FRAS1: variants seen among roughly 807,000 people sequenced by gnomAD.
FRAS1 encodes Fraser extracellular matrix complex subunit 1.
A neutral mutation model predicts 435.2 loss-of-function variants in FRAS1; 290 were observed. The observed-to-expected ratio is 0.67, with a 90% CI of 0.61 to 0.73. FRAS1 has a LOEUF of 0.73. Among genes scored for constraint, FRAS1 ranks in the 30% least tolerant of loss-of-function variants. The pLI is 0.00. For missense variants in FRAS1, 4,860 were observed against 5,001.5 expected (o/e 0.97, Z 0.85); for synonymous variants, 1,800 against 1,851.0 (o/e 0.97, Z 0.71).
chr4:78,280,758 A>G (rs1727294514), intron 10 of FRAS1, among the ~76,000 whole-genome samples: 1 of 152,188 alleles, frequency 6.6e-6, no homozygotes, highest in Non-Finnish European at 1.5e-5. Flanking sequence ...AACTAGCGAT[A>G]ACAATAGGAC....
intron 13 of FRAS1, among the ~76,000 whole-genome samples, chr4:78,285,052 T>C (rs891415463): frequency 1.3e-5 from 2 of 152,216 alleles, no homozygotes; most frequent in African/African-American, 4.8e-5. Flanking sequence ...TTATCTCTTA[T>C]GGGCTACCAG....
At chr4:78,406,228 T>C (rs562631313) in intron 30 of FRAS1, among the ~76,000 whole-genome samples, 1 of 152,350 alleles carries the variant, frequency 6.6e-6, no homozygotes, top group Admixed American at 6.5e-5. Context: ...TCTAACGTTA[T>C]TAAACTCTGA....
intron 18 of FRAS1, among the ~76,000 whole-genome samples, chr4:78,327,496 A>G (rs1729767490): frequency 6.6e-6 from 1 of 152,234 alleles, no homozygotes; most frequent in Non-Finnish European, 1.5e-5. Context: ...AATAGAATGA[A>G]TAAAAATTGA....
At chr4:78,247,191 G>GC (rs1560601487) in intron 4 of FRAS1, among the ~76,000 whole-genome samples, 3 of 152,124 alleles carry the variant, frequency 2.0e-5, no homozygotes, top group African/African-American at 7.2e-5. Flanking sequence ...AAGTTCTCCC[G>GC]CTGGTCTTTC....
At chr4:78,116,253 T>G (rs536509381) in intron 2 of FRAS1, among the ~76,000 whole-genome samples, 2 of 152,346 alleles carry the variant, frequency 1.3e-5, no homozygotes, top group African/African-American at 4.8e-5. Flanking sequence ...CTTCCAACTA[T>G]GTAGTCAATT....
intron 67 of FRAS1, among the ~76,000 whole-genome samples, chr4:78,521,133 T>C (rs1239142965): frequency 6.6e-6 from 1 of 152,222 alleles, no homozygotes; most frequent in Non-Finnish European, 1.5e-5. Flanking sequence ...TATACCTCTG[T>C]TAAGTCCGGA....
chr4:78,409,342 T>C (rs1224127431), intron 31 of FRAS1, among the ~76,000 whole-genome samples: 1 of 151,916 alleles, frequency 6.6e-6, no homozygotes, highest in Non-Finnish European at 1.5e-5. Context: ...GAGGAGGAAA[T>C]AACCTATCAA....
chr4:78,154,332 T>A (rs1027413870), intron 2 of FRAS1, among the ~76,000 whole-genome samples: 12 of 152,222 alleles, frequency 7.9e-5, no homozygotes, highest in Non-Finnish European at 2.9e-5. Flanking sequence ...ATTGCCTCTG[T>A]GTAGAAAATA....
intron 35 of FRAS1, among the ~76,000 whole-genome samples, chr4:78,428,304 A>G (rs549501544): frequency 6.6e-6 from 1 of 150,606 alleles, no homozygotes; most frequent in African/African-American, 2.5e-5. Context: ...TGGTATGGGT[A>G]TTGTCTGTCC....
At chr4:78,536,179 T>C (rs888546725) in intron 71 of FRAS1, among the ~76,000 whole-genome samples, 1 of 150,030 alleles carries the variant, frequency 6.7e-6, no homozygotes, top group Non-Finnish European at 1.5e-5. Flanking sequence ...GCATTCAGTA[T>C]TTTGTACATG....
Position 78,172,067 on chromosome 4 carries a change from G to A in FRAS1, c.109-65443G>A, listed in dbSNP as rs916107834. On this transcript the variant is annotated intron_variant, in intron 2 of 73. Transcript: ENST00000512123. ...CCTTGACTTCTGACCTCTCATTTAG[G>A]TGATCTCCTGCTCCCTCTGACCTTC... Among the ~76,000 whole-genome samples the A allele has an allele frequency of 3.3e-5, 5 of 152,024 alleles. No homozygotes were observed. In the East Asian group the frequency reaches 9.7e-4, roughly 29 times the overall value.
At chr4:78,369,408 G>C (rs1731410416) in intron 22 of FRAS1, among the ~76,000 whole-genome samples, 1 of 152,144 alleles carries the variant, frequency 6.6e-6, no homozygotes, top group Non-Finnish European at 1.5e-5. Context: ...TTAAAGTATG[G>C]GATTTCCCAA....
At chr4:78,475,738 T>A in intron 54 of FRAS1, 132 bp downstream of exon 54, 1 of 790,530 alleles carries the variant, frequency 1.3e-6, no homozygotes. Context: ...TAAATAGTTT[T>A]CCTATGTTCC....
At position 78,451,777 on chromosome 4, in the gene FRAS1, G is replaced by A. The variant is rs776023744; in HGVS notation, c.6469G>A (p.Val2157Ile). 7.5e-6 allele frequency: 12 copies of A among 1,604,014 alleles called. No individual in the cohort carries two copies. The highest frequency in any genetic ancestry group is 2.2e-5 in the East Asian group (1 of 44,794). ...ATTTTTTTTCCTTTTTATAGGCCAC[G>A]TAGAATATAGTCATGGAACAGGAGA... ...FTQADISQGH[V>I]EYSHGTGEPG... The change falls in exon 46 of 74, where the codon GTA (valine) becomes ATA (isoleucine). Residue 2157 changes from valine to isoleucine, a missense_variant. Transcript: ENST00000512123.
chr4:78,309,045 C>T (rs1016126006), intron 15 of FRAS1, among the ~76,000 whole-genome samples: 3 of 152,088 alleles, frequency 2.0e-5, no homozygotes, highest in Non-Finnish European at 4.4e-5. Flanking sequence ...CACAAGAGTC[C>T]TTATATGAGG....
chr4:78,099,349 G>T (rs1044136805), intron 2 of FRAS1, among the ~76,000 whole-genome samples: 3 of 152,194 alleles, frequency 2.0e-5, no homozygotes, highest in African/African-American at 7.2e-5. Context: ...TCATGGCTGT[G>T]ACGGTAGGCA....
chr4:78,301,852 T>G (rs960111842), intron 14 of FRAS1, among the ~76,000 whole-genome samples: 3 of 147,796 alleles, frequency 2.0e-5, no homozygotes, highest in African/African-American at 7.8e-5. Context: ...AACAGTTTTT[T>G]TTTTTTTTTT....
intron 47 of FRAS1, among the ~76,000 whole-genome samples, chr4:78,453,774 G>C (rs1200543718): frequency 7.0e-6 from 1 of 142,268 alleles, no homozygotes; most frequent in African/African-American, 2.7e-5. Flanking sequence ...CTGCAGCTTG[G>C]TGACAGAGCA....
chr4:78,201,623 C>A (rs1023935683), intron 2 of FRAS1, among the ~76,000 whole-genome samples: 3 of 152,166 alleles, frequency 2.0e-5, no homozygotes, highest in African/African-American at 7.2e-5. Flanking sequence ...TGCATGAATT[C>A]TGACGTTCTG....
Sources: allele counts gnomAD v4.1 joint callset (sites outside exome capture counted in the v4.1 genomes callset), GRCh38; gene constraint gnomAD v4.1.1; transcripts MANE v1.5; gene names NCBI Gene and HGNC (gene_info 2026-07-23, HGNC 2026-07-21).